The following DDX46 variants were observed in gnomAD, a reference collection of about 807,000 sequenced individuals.
DDX46 encodes the protein probable ATP-dependent RNA helicase DDX46.
Under a neutral mutation model 134.9 loss-of-function variants are expected in DDX46, and 30 were observed. The ratio of observed to expected loss-of-function variants is 0.22; its 90% CI spans 0.17 to 0.30. The LOEUF is 0.30. Among genes scored for constraint, DDX46 ranks in the 10% least tolerant of loss-of-function variants. DDX46 has a pLI of 1.00. For synonymous variants in DDX46, 415 were observed against 404.1 expected (o/e 1.03, Z -0.32); for missense variants, 622 against 1,248.7 (o/e 0.50, Z 7.56).
At chr5:134,775,653 C>T (rs1343760592) in intron 5 of DDX46, among the ~76,000 whole-genome samples, 4 of 152,182 alleles carry the variant, frequency 2.6e-5, no homozygotes, top group South Asian at 2.1e-4. Context: ...CCTTGTGATC[C>T]GCCCGCCTTG....
In DDX46 at chr5:134,764,078, C is replaced by A; in HGVS notation, c.192C>A (p.Asp64Glu). 9 of 1,612,064 alleles carry A rather than the reference C, an allele frequency of 5.6e-6. No homozygotes were observed. The highest frequency in any genetic ancestry group is 7.6e-6 in the Non-Finnish European group (9 of 1,179,162). ...ATAAAAGAAGATCTCGGTCAAGGGA[C>A]AGGAAGCGTCTGAGGTAAGACATTA... is the stretch of plus-strand genomic sequence containing the variant. ...SRDKRRSRSR[D>E]RKRLRRSRSR... The change falls in exon 2 of 23, where the codon GAC becomes GAA. Residue 64 changes from aspartate (D) to glutamate (E), a missense_variant. Physicochemically the swap from Asp to Glu is conservative, Grantham distance 45. Coordinates refer to ENST00000452510, the MANE Select transcript of DDX46 (RefSeq NM_001300860.2).
chr5:134,824,633 G>A (rs1273608773), intron 21 of DDX46, among the ~76,000 whole-genome samples: 1 of 152,086 alleles, frequency 6.6e-6, no homozygotes, highest in African/African-American at 2.4e-5. Flanking sequence ...TAAGAGCTAG[G>A]GTTTGGTAAT....
intron 5 of DDX46, among the ~76,000 whole-genome samples, chr5:134,776,406 A>C (rs1204725099): frequency 1.3e-5 from 2 of 151,858 alleles, no homozygotes; most frequent in Non-Finnish European, 2.9e-5. Flanking sequence ...AAAAAAAAAG[A>C]ATTACGAGAA....
intron 10 of DDX46, chr5:134,784,769 C>T (rs1754278930): frequency 3.6e-6 from 1 of 280,680 alleles, no homozygotes; most frequent in Non-Finnish European, 6.6e-6. Flanking sequence ...TCTCCTGGCA[C>T]AGCTCAGTTT....
chr5:134,807,421 T>A (rs1339780800), intron 15 of DDX46, among the ~76,000 whole-genome samples: 1 of 152,102 alleles, frequency 6.6e-6, no homozygotes, highest in Non-Finnish European at 1.5e-5. Flanking sequence ...AGGAGAAAGA[T>A]CTAACTCTTG....
chr5:134,780,751 T>A (rs923951128), intron 6 of DDX46: 1 of 152,334 alleles, frequency 6.6e-6, no homozygotes, highest in Non-Finnish European at 1.5e-5. Flanking sequence ...CTCAGTTGGC[T>A]CAGTGCCCTG....
At chr5:134,801,474 T>C (rs1417420041) in intron 15 of DDX46, among the ~76,000 whole-genome samples, 3 of 152,144 alleles carry the variant, frequency 2.0e-5, no homozygotes, top group Admixed American at 1.3e-4. Context: ...CTTGGCTCAC[T>C]GCAACGTCTA....
At chr5:134,772,822 A>G (rs1467910979) in intron 4 of DDX46, among the ~76,000 whole-genome samples, 3 of 152,064 alleles carry the variant, frequency 2.0e-5, no homozygotes, top group Non-Finnish European at 2.9e-5. Flanking sequence ...TTTTTTTGAG[A>G]CGGAGTTCTG....
chr5:134,766,151 C>T (rs1333415859), intron 2 of DDX46, among the ~76,000 whole-genome samples: 1 of 152,146 alleles, frequency 6.6e-6, no homozygotes, highest in Non-Finnish European at 1.5e-5. Context: ...TATGCCCATC[C>T]TTATACTTAG....
intron 1 of DDX46, among the ~76,000 whole-genome samples, chr5:134,760,831 G>A (rs1753356070): frequency 6.6e-6 from 1 of 152,110 alleles, no homozygotes; most frequent in Non-Finnish European, 1.5e-5. Flanking sequence ...CAGGGTTCAC[G>A]CCATTCTCCT....
chr5:134,816,679 TGAACACAA>T (rs776174959), intron 19 of DDX46, 73 bp downstream of exon 19: 3 of 1,419,488 alleles, frequency 2.1e-6, no homozygotes, highest in Non-Finnish European at 2.9e-6. Context: ...GGAATTATGT[TGAACACAA>T]GTAAACAAGT....
At chr5:134,768,940 C>T (rs1753669294) in intron 3 of DDX46, among the ~76,000 whole-genome samples, 1 of 152,060 alleles carries the variant, frequency 6.6e-6, no homozygotes, top group South Asian at 2.1e-4. Flanking sequence ...CACCTGTGAT[C>T]CCAGCTACTC....
At chr5:134,802,428 C>T (rs1377685847) in intron 15 of DDX46, among the ~76,000 whole-genome samples, 2 of 151,534 alleles carry the variant, frequency 1.3e-5, no homozygotes, top group African/African-American at 2.4e-5. Context: ...TCCCAAAGTG[C>T]TGAGGTTACA....
In DDX46 at chr5:134,811,726, T is replaced by C; in HGVS notation, c.2317T>C (p.Phe773Leu). 2 of 1,610,214 alleles carry C rather than the reference T, an allele frequency of 1.2e-6. No homozygotes were observed. The highest frequency in any genetic ancestry group is 1.7e-6 in the Non-Finnish European group (2 of 1,179,100). Residue 773 changes from phenylalanine to leucine, a missense_variant, in exon 18 of 23, where the codon TTC becomes CTC. Physicochemically the swap from Phe to Leu is conservative, Grantham distance 22. This residue lies in a region of DDX46 where 209 missense variants were observed against 508.4 expected (regional missense o/e 0.41). Transcript: ENST00000452510. The stretch of plus-strand genomic sequence containing the variant: ...GAAAATAATTAAAAAGAGTAGTGGG[T>C]TCTCTGGTAAGGGATTCAAGTTTGA... ...EGKIIKKSSG[F>L]SGKGFKFDET... is the part of the protein sequence containing the mutation.
rs148975305 is a variant in DDX46, at chr5:134,778,960, A to G, written c.765+1235A>G. ...TGCCTAGGCTAGAATGCAGTGGTGT[A>G]ATCTCGGCTCACTGCAACTTCCACC... On this transcript the variant is annotated intron_variant, in intron 6 of 22. Transcript: ENST00000452510. Among the ~76,000 whole-genome samples, 1,301 of 152,030 alleles carry G rather than the reference A, an allele frequency of 8.6e-3. 7 individuals are homozygous for G. The highest frequency in any genetic ancestry group is 0.041 in the Middle Eastern group (12 of 294).
Position 134,783,079 on chromosome 5 carries a change from G to C in DDX46, c.1166+14G>C. The C allele has an allele frequency of 6.2e-7, 1 of 1,611,426 alleles. No individual in the cohort carries two copies. Among genetic ancestry groups the C allele is most frequent in the Non-Finnish European group, 8.5e-7 (1 of 1,178,474 alleles). ...TTCCCTCAAGAAGTAAGTGGTTGGT[G>C]GTTGTTTATGTTTTCCGTGTCTTGC... On this transcript the variant is annotated intron_variant, in intron 9 of 22. Coordinates refer to ENST00000452510, the MANE Select transcript of DDX46 (RefSeq NM_001300860.2).
At chr5:134,793,469 G>T (rs948478957) in intron 13 of DDX46, among the ~76,000 whole-genome samples, 2 of 151,958 alleles carry the variant, frequency 1.3e-5, no homozygotes, top group Non-Finnish European at 2.9e-5. Flanking sequence ...AGGCTGAAGT[G>T]CAGTGGCTCA....
chr5:134,775,231 G>A (rs1286365758), intron 5 of DDX46, among the ~76,000 whole-genome samples: 2 of 152,148 alleles, frequency 1.3e-5, no homozygotes, highest in Non-Finnish European at 2.9e-5. Flanking sequence ...TGGGATTACA[G>A]GCAGGAGCCA....
At chr5:134,781,351 T>A (rs1322507304) in intron 7 of DDX46, 105 bp downstream of exon 7, 1 of 853,010 alleles carries the variant, frequency 1.2e-6, no homozygotes, top group Non-Finnish European at 1.8e-6. Flanking sequence ...TAGGAGAAAT[T>A]CCCAGAATTG....
Sources: gnomAD v4.1 joint callset for allele counts (sites outside exome capture counted in the v4.1 genomes callset) on GRCh38, gnomAD v4.1.1 for gene constraint, gnomAD v4.1.1 regional missense constraint, MANE v1.5 for transcripts, NCBI Gene and HGNC (gene_info 2026-07-23, HGNC 2026-07-21) for gene names.